Variants in SCAI observed in about 807,000 individuals in gnomAD.
SCAI encodes the protein suppressor of cancer cell invasion.
Under a neutral mutation model 92.2 loss-of-function variants are expected in SCAI, and 24 were observed. That is an observed-to-expected ratio of 0.26 (90% confidence interval 0.19 to 0.37). The LOEUF (loss-of-function observed/expected upper bound fraction) is 0.37, where lower values mean the gene tolerates loss of function less well. Ranked by LOEUF, SCAI falls within the 10% of genes least tolerant of loss-of-function variation. The probability of loss-of-function intolerance (pLI) is 1.00; values close to 1 mark genes in which losing one functional copy is unlikely to be tolerated. For missense variants in SCAI, 450 were observed against 736.2 expected (o/e 0.61, Z 4.50); for synonymous variants, 261 against 258.6 (o/e 1.01, Z -0.09).
In SCAI at chr9:125,143,472, G is replaced by A. The variant is rs771090943; in HGVS notation, c.-35C>T. 1.4e-4 allele frequency: 186 copies of A among 1,333,618 alleles called. No individual in the cohort carries two copies. The highest frequency in any genetic ancestry group is 1.7e-4 in the Non-Finnish European group (176 of 1,041,992). The allele number at this position is 1,333,618 out of a possible 1,614,324, so 82.6% of individuals were successfully genotyped here. A position where few individuals can be genotyped will look rare whatever the true frequency, so the allele number is the denominator to read the frequency against. ...GCTCCGCCGCGGGAGCTGCTCCGGC[G>A]GCCGCAGGGCTCGCTCGGGAAGCTG... On this transcript the variant is annotated 5_prime_UTR_variant, in exon 1 of 18. Coordinates refer to ENST00000336505, the MANE Select transcript of SCAI (RefSeq NM_001144877.3).
At chr9:124,954,279 CATCT>C (rs1222121179) in intron 17 of SCAI, among the ~76,000 whole-genome samples, 1 of 152,172 alleles carries the variant, frequency 6.6e-6, no homozygotes, top group Non-Finnish European at 1.5e-5. Context: ...TATATCATTC[CATCT>C]AGTAATAGCA....
chr9:125,117,596 G>A (rs545781404), intron 2 of SCAI, among the ~76,000 whole-genome samples: 1 of 142,234 alleles, frequency 7.0e-6, no homozygotes, highest in Non-Finnish European at 1.5e-5. Context: ...TGCCTGGGAG[G>A]CAGAGGCTGC....
At chr9:125,071,850 C>T (rs906768760) in intron 2 of SCAI, among the ~76,000 whole-genome samples, 1 of 152,146 alleles carries the variant, frequency 6.6e-6, no homozygotes, top group Non-Finnish European at 1.5e-5. Context: ...CTAGTGCACA[C>T]TGGTATAATT....
chr9:125,057,022 C>T (rs1192526517), intron 2 of SCAI, among the ~76,000 whole-genome samples: 2 of 152,152 alleles, frequency 1.3e-5, no homozygotes, highest in African/African-American at 2.4e-5. Flanking sequence ...AGTTGTCAGA[C>T]AGTATGTACA....
At chr9:125,063,715 C>A (rs1833821550) in intron 2 of SCAI, among the ~76,000 whole-genome samples, 2 of 151,492 alleles carry the variant, frequency 1.3e-5, no homozygotes, top group Non-Finnish European at 2.9e-5. Context: ...AAGAATATTC[C>A]CTAGTGACAA....
intron 2 of SCAI, among the ~76,000 whole-genome samples, chr9:125,125,865 A>C (rs1024371129): frequency 6.7e-6 from 1 of 148,710 alleles, no homozygotes; most frequent in Non-Finnish European, 1.5e-5. Context: ...CTGCTTCCAA[A>C]ACACACACAC....
intron 2 of SCAI, 33 bp from the exon 3 acceptor site, chr9:125,056,040 G>T: frequency 6.5e-7 from 1 of 1,526,732 alleles, no homozygotes; most frequent in South Asian, 1.2e-5. Context: ...TCATGCAGGA[G>T]GTAAAAATAA....
intron 2 of SCAI, among the ~76,000 whole-genome samples, chr9:125,116,880 TAAAG>T (rs1226069135): frequency 6.6e-6 from 1 of 152,156 alleles, no homozygotes; most frequent in East Asian, 1.9e-4. Context: ...TTTATGAAAA[TAAAG>T]AATGTCTGAA....
At chr9:124,962,944 G>A (rs948923218) in intron 17 of SCAI, among the ~76,000 whole-genome samples, 25 of 151,272 alleles carry the variant, frequency 1.7e-4, no homozygotes, top group Admixed American at 1.4e-3. Flanking sequence ...GATTACAGGT[G>A]CATGCCACCA....
intron 2 of SCAI, among the ~76,000 whole-genome samples, chr9:125,074,231 C>T (rs1834039749): frequency 6.8e-6 from 1 of 147,126 alleles, no homozygotes; most frequent in Non-Finnish European, 1.5e-5. Flanking sequence ...TGCACTCCAG[C>T]CTGGGTGACA....
chr9:124,980,869 A>G (rs914894869), intron 14 of SCAI, among the ~76,000 whole-genome samples: 2 of 152,182 alleles, frequency 1.3e-5, no homozygotes, highest in Non-Finnish European at 2.9e-5. Flanking sequence ...GAACCTGGGA[A>G]TCATCTTGGA....
At chr9:124,977,155 C>T (rs573253338) in intron 14 of SCAI, among the ~76,000 whole-genome samples, 1 of 152,290 alleles carries the variant, frequency 6.6e-6, no homozygotes, top group South Asian at 2.1e-4. Flanking sequence ...AGGCATGAGC[C>T]AGCACGCCCA....
intron 9 of SCAI, among the ~76,000 whole-genome samples, chr9:125,015,897 G>A (rs1345813099): frequency 6.6e-6 from 1 of 151,662 alleles, no homozygotes; most frequent in African/African-American, 2.4e-5. Context: ...GGATGAAATT[G>A]GAAATCATCA....
chr9:124,993,991 A>G (rs976034406), intron 14 of SCAI, among the ~76,000 whole-genome samples: 4 of 151,620 alleles, frequency 2.6e-5, no homozygotes, highest in African/African-American at 9.7e-5. Flanking sequence ...AAATTACTAT[A>G]GTTTGAATTA....
chr9:125,140,201 G>C (rs1237172294), intron 2 of SCAI, among the ~76,000 whole-genome samples: 1 of 151,490 alleles, frequency 6.6e-6, no homozygotes, highest in African/African-American at 2.4e-5. Flanking sequence ...ACAGAGCCAA[G>C]CCCTGTCTCA....
chr9:125,127,077 C>T (rs191563387), intron 2 of SCAI, among the ~76,000 whole-genome samples: 13 of 145,562 alleles, frequency 8.9e-5, no homozygotes, highest in South Asian at 2.2e-4. Flanking sequence ...AGAAGGAATT[C>T]CTTCAGAATC....
intron 2 of SCAI, among the ~76,000 whole-genome samples, chr9:125,072,507 A>T (rs908281098): frequency 6.6e-6 from 1 of 152,186 alleles, no homozygotes; most frequent in Non-Finnish European, 1.5e-5. Flanking sequence ...ATTTATTCCT[A>T]TGACTTATTT....
chr9:125,004,857 C>T (rs1362007217), intron 9 of SCAI, among the ~76,000 whole-genome samples: 15 of 134,832 alleles, frequency 1.1e-4, no homozygotes, highest in South Asian at 2.6e-4. Flanking sequence ...GGCGCGCTCT[C>T]GGCTCACTGC....
At chr9:124,960,647 C>T (rs1216985694) in intron 17 of SCAI, among the ~76,000 whole-genome samples, 1 of 152,162 alleles carries the variant, frequency 6.6e-6, no homozygotes, top group African/African-American at 2.4e-5. Flanking sequence ...ACAAGAGTGA[C>T]AGCCTCTGGG....
Sources: allele counts gnomAD v4.1 joint callset (sites outside exome capture counted in the v4.1 genomes callset), GRCh38; gene constraint gnomAD v4.1.1; transcripts MANE v1.5; gene names NCBI Gene and HGNC (gene_info 2026-07-23, HGNC 2026-07-21).